PNLIP: variants seen among roughly 807,000 people sequenced by gnomAD.
PNLIP encodes pancreatic lipase, also known as pancreatic triacylglycerol lipase.
In PNLIP, 49 loss-of-function variants were observed where a neutral mutation model predicts 57.1. That is an observed-to-expected ratio of 0.86 (90% CI 0.68 to 1.09). The LOEUF (loss-of-function observed/expected upper bound fraction) is 1.09, where lower values mean the gene tolerates loss of function less well. PNLIP is among the 50% of genes least tolerant of loss of function. The pLI, the probability that PNLIP is intolerant of heterozygous loss-of-function variation, is 0.00. For synonymous variants in PNLIP, 209 were observed against 200.4 expected (o/e 1.04, Z -0.36); for missense variants, 503 against 570.2 (o/e 0.88, Z 1.20).
chr10:116,559,264 T>A lies in PNLIP; in HGVS notation c.1041T>A (p.Gly347=), dbSNP rs143934423. Residue 347 remains glycine, a synonymous_variant, in exon 10 of 13, where the codon GGT becomes GGA. Transcript: ENST00000369221. ...GCCAGAAATTTTATCTAGACACTGG[T>A]GATGCCAGTAATTTTGCACGTAAGT... The part of the protein sequence containing the change: ...DVGQKFYLDT[G]DASNFARWRY... 6.2e-7 allele frequency: 1 copy of A among 1,613,278 alleles called. No homozygotes were observed. The highest frequency in any genetic ancestry group is 2.2e-5 in the East Asian group (1 of 44,878).
At chr10:116,562,703 G>A (rs1847326634) in intron 12 of PNLIP, among the ~76,000 whole-genome samples, 1 of 152,184 alleles carries the variant, frequency 6.6e-6, no homozygotes, top group African/African-American at 2.4e-5. Context: ...GGAGGTCATT[G>A]AAATATCCAT....
chr10:116,560,622 G>A (rs969234782), intron 11 of PNLIP, 98 bp downstream of exon 11: 7 of 593,126 alleles, frequency 1.2e-5, no homozygotes, highest in Non-Finnish European at 2.0e-5. Context: ...CTGTCACCCA[G>A]GCTGGAGTGT....
At chr10:116,552,863 G>A (rs1440787850) in intron 5 of PNLIP, among the ~76,000 whole-genome samples, 1 of 152,000 alleles carries the variant, frequency 6.6e-6, no homozygotes, top group Non-Finnish European at 1.5e-5. Context: ...TCCAGCCTGG[G>A]CAACAGAGTG....
At chr10:116,553,679 C>A in intron 5 of PNLIP, 48 bp from the exon 6 acceptor site, 2 of 1,122,438 alleles carry the variant, frequency 1.8e-6, no homozygotes, top group Non-Finnish European at 2.7e-6. Flanking sequence ...TGTTGAGCAA[C>A]TCATGACTGC....
At chr10:116,557,955 G>T (rs12771059) in intron 9 of PNLIP, among the ~76,000 whole-genome samples, 1 of 151,838 alleles carries the variant, frequency 6.6e-6, no homozygotes, top group Non-Finnish European at 1.5e-5. Context: ...CTAAACATGA[G>T]CTAAAACAAT....
intron 4 of PNLIP, 81 bp downstream of exon 4, chr10:116,548,563 G>C: frequency 6.8e-7 from 1 of 1,469,050 alleles, no homozygotes; most frequent in Non-Finnish European, 9.3e-7. Flanking sequence ...CCCGACCAAT[G>C]AGGACAGTGC....
At chr10:116,560,570 T>C in intron 11 of PNLIP, 46 bp downstream of exon 11, 1 of 779,736 alleles carries the variant, frequency 1.3e-6, no homozygotes, top group Non-Finnish European at 2.0e-6. Context: ...TTTTTTTTTT[T>C]GAGTCGGAGT....
In PNLIP at chr10:116,561,524, G is replaced by A; in HGVS notation, c.1222G>A (p.Asp408Asn). 6.2e-7 allele frequency: 1 copy of A among 1,613,906 alleles called. No individual in the cohort carries two copies. The highest frequency in any genetic ancestry group is 8.5e-7 in the Non-Finnish European group (1 of 1,179,822). ...THSNEFDSDV[D>N]VGDLQMVKFI... ...TTCCAATGAATTTGACTCAGATGTG[G>A]ATGTTGGGGACTTGCAGATGGTTAA... Residue 408 changes from aspartate to asparagine, a missense_variant, in exon 12 of 13, where the codon GAT (aspartate) becomes AAT (asparagine). Physicochemically the swap from Asp to Asn is conservative, Grantham distance 23. Coordinates refer to ENST00000369221, the MANE Select transcript of PNLIP (RefSeq NM_000936.4).
At chr10:116,558,163 A>T (rs1228004474) in intron 9 of PNLIP, among the ~76,000 whole-genome samples, 2 of 149,396 alleles carry the variant, frequency 1.3e-5, no homozygotes, top group Non-Finnish European at 3.0e-5. Flanking sequence ...TCAGAAGCTG[A>T]TTATAATCTC....
chr10:116,559,109 T>TAA (rs1410824136), intron 9 of PNLIP, 45 bp from the exon 10 acceptor site: 1 of 1,593,008 alleles, frequency 6.3e-7, no homozygotes. Context: ...GGTACACAAC[T>TAA]AAAAGATAGG....
intron 9 of PNLIP, 52 bp from the exon 10 acceptor site, chr10:116,559,102 A>G (rs1847286583): frequency 7.6e-6 from 12 of 1,582,716 alleles, no homozygotes; most frequent in Non-Finnish European, 8.6e-6. Flanking sequence ...GAAATATGGT[A>G]CACAACTAAA....
intron 10 of PNLIP, 106 bp downstream of exon 10, chr10:116,559,389 C>T: frequency 2.5e-6 from 2 of 813,400 alleles, no homozygotes; most frequent in Middle Eastern, 3.6e-4. Context: ...CTTTAAACAC[C>T]CCCTCTGCAA....
intron 5 of PNLIP, among the ~76,000 whole-genome samples, chr10:116,552,758 C>A (rs190806503): frequency 6.6e-4 from 100 of 151,826 alleles, no homozygotes; most frequent in Non-Finnish European, 1.1e-3. Context: ...TGGTGGTGGG[C>A]GCCTGTAGTC....
chr10:116,559,400 G>A (rs1042201802), intron 10 of PNLIP, 117 bp downstream of exon 10: 5 of 743,058 alleles, frequency 6.7e-6, no homozygotes, highest in Admixed American at 2.9e-5. Context: ...CCCTCTGCAA[G>A]GTGGAAAAAT....
intron 4 of PNLIP, 70 bp from the exon 5 acceptor site, chr10:116,551,028 T>C (rs929866371): frequency 2.3e-6 from 3 of 1,288,216 alleles, no homozygotes; most frequent in African/African-American, 3.0e-5. Context: ...ATCCTAGTCC[T>C]CCAGTATGTT....
chr10:116,551,992 A>G (rs1196498161), intron 5 of PNLIP, among the ~76,000 whole-genome samples: 2 of 152,186 alleles, frequency 1.3e-5, no homozygotes, highest in East Asian at 3.9e-4. Context: ...GTCCCATAAG[A>G]TGACAATGGA....
chr10:116,550,183 C>T (rs979621010), intron 4 of PNLIP, among the ~76,000 whole-genome samples: 5 of 151,082 alleles, frequency 3.3e-5, no homozygotes, highest in East Asian at 3.9e-4. Context: ...CTCAGCCTCC[C>T]GAGTAGCTGG....
At chr10:116,548,077 G>GCA (rs140104163) in intron 3 of PNLIP, among the ~76,000 whole-genome samples, 34 of 148,942 alleles carry the variant, frequency 2.3e-4, no homozygotes, top group East Asian at 5.9e-4. Context: ...ATACACACAC[G>GCA]CACACACACA....
intron 12 of PNLIP, among the ~76,000 whole-genome samples, chr10:116,567,140 T>TTTC (rs1241295589): frequency 2.7e-4 from 37 of 135,322 alleles, no homozygotes; most frequent in African/African-American, 1.0e-3. Context: ...TCTTTCTTTC[T>TTTC]TTTCTTCTCT....
Sources: allele counts gnomAD v4.1 joint callset (sites outside exome capture counted in the v4.1 genomes callset), GRCh38; gene constraint gnomAD v4.1.1; transcripts MANE v1.5; gene names NCBI Gene and HGNC (gene_info 2026-07-23, HGNC 2026-07-21).